IQCM: variants seen among roughly 807,000 people sequenced by gnomAD.
IQCM encodes the protein IQ motif containing M.
A neutral mutation model predicts 57.6 loss-of-function variants in IQCM; 45 were observed. The ratio of observed to expected loss-of-function variants is 0.78; its 90% CI spans 0.62 to 1.00. The LOEUF is 1.00. Among genes scored for constraint, IQCM ranks in the 50% least tolerant of loss-of-function variants. The pLI, the probability that IQCM is intolerant of heterozygous loss-of-function variation, is 0.00. For synonymous variants in IQCM, 148 were observed against 158.9 expected (o/e 0.93, Z 0.51); for missense variants, 468 against 511.6 (o/e 0.91, Z 0.82).
chr4:149,485,085 T>C (rs1331020405), intron 12 of IQCM, among the ~76,000 whole-genome samples: 3 of 152,114 alleles, frequency 2.0e-5, no homozygotes, highest in Non-Finnish European at 2.9e-5. Context: ...GCCAGACATA[T>C]TGTAGCTCCA....
chr4:149,757,006 C>A (rs938292189), intron 2 of IQCM, among the ~76,000 whole-genome samples: 4 of 152,178 alleles, frequency 2.6e-5, no homozygotes, highest in African/African-American at 4.8e-5. Context: ...CGCCTGTAAT[C>A]CCAGCACTTT....
chr4:149,520,248 G>C (rs1579346301), intron 12 of IQCM, among the ~76,000 whole-genome samples: 1 of 126,404 alleles, frequency 7.9e-6, no homozygotes, highest in African/African-American at 3.1e-5. Context: ...TTGCAGGTAA[G>C]AAAATCAGAG....
intron 12 of IQCM, among the ~76,000 whole-genome samples, chr4:149,529,826 T>C (rs1746552999): frequency 6.6e-6 from 1 of 152,148 alleles, no homozygotes; most frequent in Non-Finnish European, 1.5e-5. Context: ...CACATGAAAG[T>C]CATGCCACTC....
At chr4:149,467,727 G>A (rs1739009680) in intron 12 of IQCM, among the ~76,000 whole-genome samples, 1 of 152,196 alleles carries the variant, frequency 6.6e-6, no homozygotes. Flanking sequence ...TGTCTGATAG[G>A]AGCTGTGGGT....
intron 12 of IQCM, among the ~76,000 whole-genome samples, chr4:149,436,341 T>G (rs2111296619): frequency 6.6e-6 from 1 of 152,260 alleles, no homozygotes; most frequent in East Asian, 1.9e-4. Flanking sequence ...AACTGCCACT[T>G]TCTCCCACTA....
chr4:149,672,750 AC>A (rs1324306511), intron 7 of IQCM, among the ~76,000 whole-genome samples: 1 of 152,214 alleles, frequency 6.6e-6, no homozygotes, highest in Non-Finnish European at 1.5e-5. Flanking sequence ...AGGCACGCCA[AC>A]ATTCAAATTC....
intron 13 of IQCM, among the ~76,000 whole-genome samples, chr4:149,425,539 G>T (rs1734403520): frequency 6.6e-6 from 1 of 151,938 alleles, no homozygotes; most frequent in African/African-American, 2.4e-5. Context: ...AGGAGAAGAT[G>T]GATGTCCTAG....
At chr4:149,462,708 A>C (rs939054352) in intron 12 of IQCM, among the ~76,000 whole-genome samples, 9 of 152,254 alleles carry the variant, frequency 5.9e-5, no homozygotes, top group African/African-American at 1.7e-4. Context: ...GAATAAAGAC[A>C]TAAGTATTTT....
chr4:149,573,440 G>T (rs548302208), intron 9 of IQCM, among the ~76,000 whole-genome samples: 7 of 151,766 alleles, frequency 4.6e-5, no homozygotes, highest in African/African-American at 1.7e-4. Context: ...ATGCTGGGTT[G>T]TAAAAAAAAC....
intron 10 of IQCM, among the ~76,000 whole-genome samples, chr4:149,554,751 G>A (rs1165760908): frequency 3.3e-5 from 5 of 150,416 alleles, no homozygotes; most frequent in Non-Finnish European, 7.4e-5. Flanking sequence ...CCAGGCTGGA[G>A]TGCAGTGGCG....
chr4:149,549,756 G>A (rs1332157385), intron 11 of IQCM, among the ~76,000 whole-genome samples: 1 of 152,154 alleles, frequency 6.6e-6, no homozygotes, highest in Non-Finnish European at 1.5e-5. Flanking sequence ...AGGCACCAAA[G>A]TGGTTTCTAA....
At chr4:149,375,006 G>T (rs1159762512) in intron 13 of IQCM, among the ~76,000 whole-genome samples, 1 of 151,436 alleles carries the variant, frequency 6.6e-6, no homozygotes, top group Non-Finnish European at 1.5e-5. Flanking sequence ...TGTTGTGTGT[G>T]TGTGATGTTC....
At chr4:149,583,503 G>T (rs1441311103) in intron 9 of IQCM, among the ~76,000 whole-genome samples, 1 of 150,942 alleles carries the variant, frequency 6.6e-6, no homozygotes, top group Non-Finnish European at 1.5e-5. Flanking sequence ...AAACAATTAT[G>T]AGCTTTCGAA....
chr4:149,653,977 CTTAA>C (rs1340586137), intron 7 of IQCM, among the ~76,000 whole-genome samples: 31 of 151,934 alleles, frequency 2.0e-4, no homozygotes, highest in Admixed American at 5.3e-4. Context: ...TAATATATAA[CTTAA>C]TTAAGACTAC....
chr4:149,670,926 G>C (rs189139120), intron 7 of IQCM, among the ~76,000 whole-genome samples: 1 of 147,956 alleles, frequency 6.8e-6, no homozygotes, highest in Non-Finnish European at 1.5e-5. Flanking sequence ...AGGGATATTG[G>C]TCTAAAATTC....
chr4:149,723,638 C>G lies in IQCM; in HGVS notation c.385+9606G>C, dbSNP rs367637784. Among the ~76,000 whole-genome samples, 13 of 152,084 alleles carry G rather than the reference C, an allele frequency of 8.5e-5. No homozygotes were observed. The East Asian group carries it at 1.2e-3, about 14-fold the overall frequency. On this transcript the variant is annotated intron_variant, in intron 5 of 13. Coordinates refer to ENST00000636793, the MANE Select transcript of IQCM (RefSeq NM_001363507.2). Reference sequence around the variant, plus strand: ...ATCCCTGCACCCCTGGGATGAAACCCTCTTGATCATGGTGAATTATCTTTC... The same window carrying G: ...ATCCCTGCACCCCTGGGATGAAACCGTCTTGATCATGGTGAATTATCTTTC...
chr4:149,660,275 C>A (rs200630080), intron 7 of IQCM, among the ~76,000 whole-genome samples: 1 of 152,048 alleles, frequency 6.6e-6, no homozygotes, highest in African/African-American at 2.4e-5. Flanking sequence ...ATCAAAACCA[C>A]AATGAGATAC....
intron 12 of IQCM, among the ~76,000 whole-genome samples, chr4:149,460,812 T>G (rs2149709555): frequency 6.6e-6 from 1 of 152,270 alleles, no homozygotes; most frequent in Non-Finnish European, 1.5e-5. Context: ...TGGAAAATAT[T>G]TATATCTAAT....
At chr4:149,579,049 A>T (rs1387729896) in intron 9 of IQCM, among the ~76,000 whole-genome samples, 1 of 151,732 alleles carries the variant, frequency 6.6e-6, no homozygotes, top group Non-Finnish European at 1.5e-5. Context: ...ACTATTAGGG[A>T]GGATTACTAT....
Sources: gnomAD v4.1 joint callset for allele counts (sites outside exome capture counted in the v4.1 genomes callset) on GRCh38, gnomAD v4.1.1 for gene constraint, MANE v1.5 for transcripts, NCBI Gene and HGNC (gene_info 2026-07-23, HGNC 2026-07-21) for gene names.